Variants in RFTN1 observed in about 807,000 individuals in gnomAD.
RFTN1 encodes the protein raftlin, lipid raft linker 1.
RFTN1 carries 26 observed loss-of-function variants against 46.5 expected under a neutral mutation model. The ratio of observed to expected loss-of-function variants is 0.56; its 90% confidence interval spans 0.41 to 0.78. The LOEUF is 0.78. Ranked by LOEUF, RFTN1 falls within the 30% of genes least tolerant of loss-of-function variation. The probability of loss-of-function intolerance (pLI) is 0.00; values close to 1 mark genes in which losing one functional copy is unlikely to be tolerated. For synonymous variants in RFTN1, 261 were observed against 284.2 expected (o/e 0.92, Z 0.82); for missense variants, 693 against 718.7 (o/e 0.96, Z 0.41).
At position 16,473,862 on chromosome 3, in the gene RFTN1, G is replaced by T. The variant is rs1163631224; in HGVS notation, c.145+19863C>A. Among the ~76,000 whole-genome samples the T allele has an allele frequency of 3.3e-5, 5 of 152,126 alleles. No individual in the cohort carries two copies. Among genetic ancestry groups the T allele is most frequent in the Admixed American group, 6.5e-5 (1 of 15,274 alleles). ...TAGAAGCACGAAACCTACCTCTCCGGGCTGCCCTCGCCCTTGTGAACACTG... is the reference window on the plus strand; with the variant it reads ...TAGAAGCACGAAACCTACCTCTCCGTGCTGCCCTCGCCCTTGTGAACACTG... On this transcript the variant is annotated intron_variant, in intron 2 of 9. Transcript: ENST00000334133. The surrounding 1 kb of genome is among the most constrained non-coding windows in gnomAD (Gnocchi z 5.3).
rs1040481082 is a variant in RFTN1, at chr3:16,473,806, T to C, written c.145+19919A>G. 8.5e-5 allele frequency among the ~76,000 whole-genome samples: 13 copies of C among 152,148 alleles called. No homozygotes were observed. The highest frequency in any genetic ancestry group is 6.2e-4 in the South Asian group (3 of 4,828). On this transcript the variant is annotated intron_variant, in intron 2 of 9. Transcript: ENST00000334133. The surrounding 1 kb of genome is among the most constrained non-coding windows in gnomAD (Gnocchi z 5.3). ...CTCAGAGACGGAGAGTCCCTCAAAG[T>C]CCTCCCACTTCTCCCTATCCTTCCC...
chr3:16,486,631 G>GATTTCAAGT (rs1483971012), intron 2 of RFTN1, among the ~76,000 whole-genome samples: 1 of 152,170 alleles, frequency 6.6e-6, no homozygotes, highest in Non-Finnish European at 1.5e-5. Context: ...TCCACCTGAG[G>GATTTCAAGT]ATTTCAAGTC....
At position 16,348,761 on chromosome 3, in the gene RFTN1, G is replaced by A. The variant is rs553020600; in HGVS notation, c.1146+9171C>T. Among the ~76,000 whole-genome samples, 1 of 152,210 alleles carries A rather than the reference G, an allele frequency of 6.6e-6. No individual in the cohort carries two copies. Among genetic ancestry groups the A allele is most frequent in the South Asian group, 2.1e-4 (1 of 4,816 alleles). ...GGAACCCCTAATCACCATCTCAAGTGGTTCTTTCTCATTTTTTATGTACTC... is the reference window on the plus strand; with the variant it reads ...GGAACCCCTAATCACCATCTCAAGTAGTTCTTTCTCATTTTTTATGTACTC... On this transcript the variant is annotated intron_variant, in intron 7 of 9. Coordinates refer to ENST00000334133, the MANE Select transcript of RFTN1 (RefSeq NM_015150.2). This position sits in a 1 kb window ranked among gnomAD's most constrained non-coding sequence, Gnocchi z 6.3.
At chr3:16,325,208 C>T (rs897097243) in intron 8 of RFTN1, among the ~76,000 whole-genome samples, 1 of 152,178 alleles carries the variant, frequency 6.6e-6, no homozygotes, top group Non-Finnish European at 1.5e-5. Context: ...CTCAATGCTC[C>T]ACGGAATCCA....
At chr3:16,401,386 CCTT>C (rs2074598754) in intron 4 of RFTN1, among the ~76,000 whole-genome samples, 1 of 151,880 alleles carries the variant, frequency 6.6e-6, no homozygotes, top group South Asian at 2.1e-4. Flanking sequence ...GCTCTTCTGT[CCTT>C]CTAGACACAT....
At position 16,352,301 on chromosome 3, in the gene RFTN1, G is replaced by T. The variant is rs2072154297; in HGVS notation, c.1146+5631C>A. On this transcript the variant is annotated intron_variant, in intron 7 of 9. Coordinates refer to ENST00000334133, the MANE Select transcript of RFTN1 (RefSeq NM_015150.2). This position sits in a 1 kb window ranked among gnomAD's most constrained non-coding sequence, Gnocchi z 4.6. ...TCTATGGCTCAGGTAGCACCTGGTG[G>T]TGTCTATAAGCTCTGATGGGCTGTC... 6.6e-6 allele frequency among the ~76,000 whole-genome samples: 1 copy of T among 152,338 alleles called. No individual in the cohort carries two copies. The highest frequency in any genetic ancestry group is 1.5e-5 in the Non-Finnish European group (1 of 68,040).
At chr3:16,362,265 G>C (rs1253479685) in intron 6 of RFTN1, among the ~76,000 whole-genome samples, 1 of 152,190 alleles carries the variant, frequency 6.6e-6, no homozygotes, top group Non-Finnish European at 1.5e-5. Flanking sequence ...TTCCCATCCT[G>C]AGAGTCTGTT....
In RFTN1 at chr3:16,338,684, TA is replaced by T. The variant is rs1559834083; in HGVS notation, c.1147-11809del. On this transcript the variant is annotated intron_variant, in intron 7 of 9. Transcript: ENST00000334133. This position sits in a 1 kb window ranked among gnomAD's most constrained non-coding sequence, Gnocchi z 5.3. The stretch of plus-strand genomic sequence containing the variant: ...GAGTAAATGGGACTTGCTACTTTAT[TA>T]CTCTCTTTAGACTATCAGAGATGAA... Among the ~76,000 whole-genome samples, 1 of 152,240 alleles carries T rather than the reference TA, an allele frequency of 6.6e-6. No individual in the cohort carries two copies. The highest frequency in any genetic ancestry group is 1.5e-5 in the Non-Finnish European group (1 of 68,036).
rs761950255 is a variant in RFTN1, at chr3:16,316,990, C to T, written c.1575G>A (p.Leu525=). 2 of 1,614,084 alleles carry T rather than the reference C, an allele frequency of 1.2e-6. No homozygotes were observed. Among genetic ancestry groups the T allele is most frequent in the Non-Finnish European group, 1.7e-6 (2 of 1,180,032 alleles). The change falls in exon 10 of 10, where the codon CTG becomes CTA. Residue 525 remains leucine (L), a synonymous_variant. Coordinates refer to ENST00000334133, the MANE Select transcript of RFTN1 (RefSeq NM_015150.2). This position sits in a 1 kb window ranked among gnomAD's most constrained non-coding sequence, Gnocchi z 4.5. Reference sequence around the variant, plus strand: ...CACCCTCCACACCCACCCCACACAGCAGGCCACCAGGGGACAGCTGTTCTC... The same window carrying T: ...CACCCTCCACACCCACCCCACACAGTAGGCCACCAGGGGACAGCTGTTCTC... The part of the protein sequence containing the change: ...DKGEQLSPGG[L]LCGVGVEGEA...
At chr3:16,439,617 T>G (rs1257208094) in intron 2 of RFTN1, among the ~76,000 whole-genome samples, 1 of 152,184 alleles carries the variant, frequency 6.6e-6, no homozygotes, top group African/African-American at 2.4e-5. Context: ...CAATGTTAAC[T>G]AAAAGAGTTC....
intron 4 of RFTN1, among the ~76,000 whole-genome samples, chr3:16,399,073 TAA>T (rs2074541019): frequency 1.3e-5 from 2 of 152,346 alleles, no homozygotes; most frequent in African/African-American, 4.8e-5. Flanking sequence ...GATTTAACTA[TAA>T]GTCATTTTAT....
In RFTN1 at chr3:16,370,765, T is replaced by C. The variant is rs552709254; in HGVS notation, c.827-486A>G. 1 of 156,904 alleles carries C rather than the reference T, an allele frequency of 6.4e-6. No individual in the cohort carries two copies. The highest frequency in any genetic ancestry group is 6.1e-5 in the Admixed American group (1 of 16,284). 9.7% of individuals were successfully genotyped at this position (156,904 alleles called of 1,614,324 possible). A position where few individuals can be genotyped will look rare whatever the true frequency, so the allele number is the denominator to read the frequency against. On this transcript the variant is annotated intron_variant, in intron 5 of 9. Transcript: ENST00000334133. This position sits in a 1 kb window ranked among gnomAD's most constrained non-coding sequence, Gnocchi z 5.5. The stretch of plus-strand genomic sequence containing the variant: ...TCACTATTTATAAACTGCAGTAGTG[T>C]TTCCTGGGGCTGAACCCATAATACT...
intron 8 of RFTN1, 42 bp downstream of exon 8, chr3:16,326,731 G>A: frequency 1.4e-6 from 2 of 1,430,518 alleles, no homozygotes; most frequent in Non-Finnish European, 9.9e-7. Flanking sequence ...CTAGCACAGA[G>A]TAAGTGTTCA....
intron 8 of RFTN1, among the ~76,000 whole-genome samples, chr3:16,325,696 GC>G (rs2069620768): frequency 6.6e-6 from 1 of 152,182 alleles, no homozygotes; most frequent in Non-Finnish European, 1.5e-5. Context: ...CTCAAAAGTG[GC>G]CGCAGACTGG....
intron 1 of RFTN1, among the ~76,000 whole-genome samples, chr3:16,501,424 T>C (rs1417825543): frequency 6.6e-6 from 1 of 152,246 alleles, no homozygotes; most frequent in Non-Finnish European, 1.5e-5. Flanking sequence ...TCAACTAGCA[T>C]GCATGCATTT....
rs2072416445 is a variant in RFTN1, at chr3:16,356,082, T to C, written c.1146+1850A>G. Among the ~76,000 whole-genome samples the C allele has an allele frequency of 6.6e-6, 1 of 152,158 alleles. No homozygotes were observed. The highest frequency in any genetic ancestry group is 2.4e-5 in the African/African-American group (1 of 41,418). On this transcript the variant is annotated intron_variant, in intron 7 of 9. Transcript: ENST00000334133. This position sits in a 1 kb window ranked among gnomAD's most constrained non-coding sequence, Gnocchi z 4.9. ...CAGATCCTCAACTCTTGGCATTTCA[T>C]ATTTCACCACCACCTGGAGCCTTCA...
At position 16,509,686 on chromosome 3, in the gene RFTN1, G is replaced by A. The variant is rs1425780545; in HGVS notation, c.-9+3756C>T. Reference sequence around the variant, plus strand: ...TGTGTTTTCCAAGCCATGGTAAAGTGCCCTCGAGTAAAATACATCCTGGGG... The same window carrying A: ...TGTGTTTTCCAAGCCATGGTAAAGTACCCTCGAGTAAAATACATCCTGGGG... On this transcript the variant is annotated intron_variant, in intron 1 of 9. Coordinates refer to ENST00000334133, the MANE Select transcript of RFTN1 (RefSeq NM_015150.2). The surrounding 1 kb of genome is among the most constrained non-coding windows in gnomAD (Gnocchi z 4.9). Among the ~76,000 whole-genome samples the A allele has an allele frequency of 1.3e-5, 2 of 152,178 alleles. No individual in the cohort carries two copies. Among genetic ancestry groups the A allele is most frequent in the East Asian group, 3.8e-4 (2 of 5,202 alleles).
At chr3:16,388,578 G>T (rs2074265790) in intron 4 of RFTN1, among the ~76,000 whole-genome samples, 1 of 152,208 alleles carries the variant, frequency 6.6e-6, no homozygotes, top group Non-Finnish European at 1.5e-5. Flanking sequence ...GGGGGTTGCA[G>T]GTCCAGAGAC....
rs2070116479 is a variant in RFTN1 at position 16,329,731 on chromosome 3, G to C, written c.1147-2855C>G. On this transcript the variant is annotated intron_variant, in intron 7 of 9. Transcript: ENST00000334133. The surrounding 1 kb of genome is among the most constrained non-coding windows in gnomAD (Gnocchi z 4.5). The stretch of plus-strand genomic sequence containing the variant: ...ACACTCTCAAGCTTTGCGAGGTTAT[G>C]ATTACTTGGGCCTATCAAGAATAAC... 6.6e-6 allele frequency among the ~76,000 whole-genome samples: 1 copy of C among 152,098 alleles called. No individual in the cohort carries two copies. The highest frequency in any genetic ancestry group is 2.4e-5 in the African/African-American group (1 of 41,408).
Sources: gnomAD v4.1 joint callset for allele counts (sites outside exome capture counted in the v4.1 genomes callset) on GRCh38, gnomAD v4.1.1 for gene constraint, Gnocchi (gnomAD v3.1) non-coding constraint, MANE v1.5 for transcripts, NCBI Gene and HGNC (gene_info 2026-07-23, HGNC 2026-07-21) for gene names.